Variants in SYNPR observed in about 807,000 individuals in gnomAD.
SYNPR encodes the protein synaptoporin.
SYNPR carries 23 observed loss-of-function variants against 32.9 expected under a neutral mutation model. The ratio of observed to expected loss-of-function variants is 0.70; its 90% CI spans 0.50 to 0.99. The LOEUF (loss-of-function observed/expected upper bound fraction) is 0.99. Ranked by LOEUF, SYNPR falls within the 50% of genes least tolerant of loss-of-function variation. SYNPR has a pLI of 0.00. For missense variants in SYNPR, 318 were observed against 349.3 expected (o/e 0.91, Z 0.71); for synonymous variants, 146 against 135.9 (o/e 1.07, Z -0.52).
At chr3:63,291,737 T>G (rs1419352735) in intron 2 of SYNPR, among the ~76,000 whole-genome samples, 1 of 152,164 alleles carries the variant, frequency 6.6e-6, no homozygotes, top group Non-Finnish European at 1.5e-5. Flanking sequence ...AAATTGATAG[T>G]GGCATTAAAC....
upstream of SYNPR, among the ~76,000 whole-genome samples, chr3:63,224,883 G>A (rs931614379): frequency 3.9e-5 from 6 of 152,158 alleles, no homozygotes; most frequent in African/African-American, 7.2e-5. Flanking sequence ...TTGCCTGGAC[G>A]ACATAGCATA....
rs144191762 is a variant in SYNPR, at chr3:63,384,958, A to C, written c.85-95874A>C. ...GACCTATATTTGAATTTAATAGTTTAGGAGGCATGCTTGAGGTGGAAAAAC... is the reference window on the plus strand; with the variant it reads ...GACCTATATTTGAATTTAATAGTTTCGGAGGCATGCTTGAGGTGGAAAAAC... On this transcript the variant is annotated intron_variant, in intron 2 of 5. Coordinates refer to ENST00000478300, the MANE Select transcript of SYNPR (RefSeq NM_001130003.2). 8.1e-4 allele frequency among the ~76,000 whole-genome samples: 124 copies of C among 152,284 alleles called. 1 individual carries two copies. The highest frequency in any genetic ancestry group is 3.4e-3 in the Middle Eastern group (1 of 294).
At chr3:63,472,218 T>C (rs1218054070) in intron 2 of SYNPR, among the ~76,000 whole-genome samples, 2 of 152,138 alleles carry the variant, frequency 1.3e-5, no homozygotes, top group African/African-American at 2.4e-5. Context: ...CACAGTGTGC[T>C]CCATCAGAGA....
At chr3:63,572,511 C>A (rs2106848652) in intron 4 of SYNPR, among the ~76,000 whole-genome samples, 1 of 152,268 alleles carries the variant, frequency 6.6e-6, no homozygotes, top group East Asian at 1.9e-4. Context: ...TAAAGTTTAT[C>A]TCTCCAAAAC....
chr3:63,494,081 TA>T (rs1193094835), intron 3 of SYNPR, among the ~76,000 whole-genome samples: 1 of 151,934 alleles, frequency 6.6e-6, no homozygotes, highest in Non-Finnish European at 1.5e-5. Flanking sequence ...TTACCTTATT[TA>T]TTATACTTAA....
chr3:63,601,779 G>A (rs909934395), intron 4 of SYNPR, among the ~76,000 whole-genome samples: 4 of 152,102 alleles, frequency 2.6e-5, no homozygotes, highest in African/African-American at 7.2e-5. Flanking sequence ...TGTGAATAGT[G>A]TGGCAGTAAA....
At chr3:63,355,312 G>A (rs72881881) in intron 2 of SYNPR, among the ~76,000 whole-genome samples, 3 of 150,834 alleles carry the variant, frequency 2.0e-5, no homozygotes, top group South Asian at 2.1e-4. Flanking sequence ...CAATTGATTC[G>A]ATTTCACCCA....
intron 1 of SYNPR, among the ~76,000 whole-genome samples, chr3:63,229,911 T>C (rs571094240): frequency 6.6e-6 from 1 of 152,180 alleles, no homozygotes; most frequent in East Asian, 1.9e-4. Flanking sequence ...TCTAGCTTTT[T>C]TGCTTTAATA....
chr3:63,380,854 C>T (rs1220608008), intron 2 of SYNPR, among the ~76,000 whole-genome samples: 6 of 152,108 alleles, frequency 3.9e-5, no homozygotes, highest in Non-Finnish European at 4.4e-5. Context: ...ATTCAACAGC[C>T]CTTCATGCTA....
chr3:63,327,762 A>C (rs1236895112), intron 2 of SYNPR, among the ~76,000 whole-genome samples: 1 of 152,200 alleles, frequency 6.6e-6, no homozygotes, highest in African/African-American at 2.4e-5. Context: ...AAGTTAGGAC[A>C]GTAGCTAACT....
chr3:63,383,423 A>G (rs539089773), intron 2 of SYNPR, among the ~76,000 whole-genome samples: 5 of 152,078 alleles, frequency 3.3e-5, no homozygotes, highest in Non-Finnish European at 7.3e-5. Context: ...GCAAAAGAAT[A>G]AAAGAGGCCA....
At chr3:63,342,344 T>C (rs139096369) in intron 2 of SYNPR, among the ~76,000 whole-genome samples, 87 of 152,340 alleles carry the variant, frequency 5.7e-4, no homozygotes, top group African/African-American at 1.9e-3. Flanking sequence ...CTGGATTTTG[T>C]CTAATATTTT....
chr3:63,573,007 T>G (rs976607121), intron 4 of SYNPR, among the ~76,000 whole-genome samples: 2 of 152,128 alleles, frequency 1.3e-5, no homozygotes, highest in Non-Finnish European at 2.9e-5. Context: ...GTTTTGTGTG[T>G]GTTTTAAGAG....
At chr3:63,509,256 CAATT>C (rs1241806703) in intron 3 of SYNPR, among the ~76,000 whole-genome samples, 4 of 135,108 alleles carry the variant, frequency 3.0e-5, no homozygotes, top group Non-Finnish European at 6.1e-5. Context: ...CATACACACA[CAATT>C]AAGGCTGAAA....
intron 2 of SYNPR, among the ~76,000 whole-genome samples, chr3:63,434,182 C>T (rs1002892220): frequency 2.6e-5 from 4 of 152,116 alleles, no homozygotes; most frequent in Non-Finnish European, 5.9e-5. Flanking sequence ...GTAATTTGGT[C>T]TGGGTTCTGG....
At chr3:63,602,950 A>T (rs1173712543) in intron 4 of SYNPR, among the ~76,000 whole-genome samples, 2 of 152,226 alleles carry the variant, frequency 1.3e-5, no homozygotes, top group African/African-American at 4.8e-5. Context: ...TGCTATTTTA[A>T]CAATATGGAT....
At chr3:63,431,706 G>A (rs755379224) in intron 2 of SYNPR, among the ~76,000 whole-genome samples, 1 of 148,256 alleles carries the variant, frequency 6.7e-6, no homozygotes, top group African/African-American at 2.5e-5. Flanking sequence ...ACTGTTACAC[G>A]AATCATCAAG....
chr3:63,472,197 AT>A (rs759509537), intron 2 of SYNPR, among the ~76,000 whole-genome samples: 8 of 152,144 alleles, frequency 5.3e-5, no homozygotes, highest in Non-Finnish European at 1.0e-4. Flanking sequence ...ATATTTCTGT[AT>A]GAGTCTTTCC....
chr3:63,495,998 G>T (rs187026206), intron 3 of SYNPR, among the ~76,000 whole-genome samples: 137 of 152,220 alleles, frequency 9.0e-4, no homozygotes, highest in African/African-American at 3.0e-3. Flanking sequence ...TGCAACAGAT[G>T]TACCTCCTTT....
Sources: allele counts gnomAD v4.1 joint callset (sites outside exome capture counted in the v4.1 genomes callset), GRCh38; gene constraint gnomAD v4.1.1; transcripts MANE v1.5; gene names NCBI Gene and HGNC (gene_info 2026-07-23, HGNC 2026-07-21).